IGF2BP3: variants seen among roughly 807,000 people sequenced by gnomAD.
IGF2BP3 encodes the protein insulin-like growth factor 2 mRNA-binding protein 3.
A neutral mutation model predicts 73.8 loss-of-function variants in IGF2BP3; 9 were observed. The observed-to-expected ratio is 0.12, with a 90% CI of 0.07 to 0.21. The LOEUF (loss-of-function observed/expected upper bound fraction) is 0.21, where lower values mean the gene tolerates loss of function less well. Among genes scored for constraint, IGF2BP3 ranks in the 10% least tolerant of loss-of-function variants. The probability of loss-of-function intolerance (pLI) is 1.00; values close to 1 mark genes in which losing one functional copy is unlikely to be tolerated. For missense variants in IGF2BP3, 542 were observed against 714.0 expected, an observed-to-expected ratio of 0.76 and a Z score of 2.75; for synonymous variants, 258 against 256.7, an observed-to-expected ratio of 1.01 and a Z score of -0.05.
At chr7:23,460,178 CAAAA>C (rs757381858) in intron 2 of IGF2BP3, among the ~76,000 whole-genome samples, 1 of 55,176 alleles carries the variant, frequency 1.8e-5, no homozygotes. Context: ...GACCCTGCCT[CAAAA>C]AAAAAAAAAA....
chr7:23,405,167 A>T (rs1786787936), intron 3 of IGF2BP3: 1 of 152,180 alleles, frequency 6.6e-6, no homozygotes, highest in African/African-American at 2.4e-5. Flanking sequence ...AGAAATGAAA[A>T]ATTCAAATTC....
intron 2 of IGF2BP3, among the ~76,000 whole-genome samples, chr7:23,435,292 C>CAAAAAAAAAA (rs35846648): frequency 2.1e-5 from 1 of 47,942 alleles, no homozygotes; most frequent in Non-Finnish European, 3.6e-5. Flanking sequence ...GACTCTGTCT[C>CAAAAAAAAAA]AAAAAAAAAA....
At chr7:23,377,533 T>C (rs554759137) in intron 3 of IGF2BP3, among the ~76,000 whole-genome samples, 141 of 152,352 alleles carry the variant, frequency 9.3e-4, no homozygotes, top group African/African-American at 3.2e-3. Context: ...TTGGTGGGAA[T>C]GTAAAATGGT....
At chr7:23,336,551 G>A (rs1784577858) in intron 10 of IGF2BP3, among the ~76,000 whole-genome samples, 1 of 151,646 alleles carries the variant, frequency 6.6e-6, no homozygotes, top group Non-Finnish European at 1.5e-5. Flanking sequence ...AGTCACCCAG[G>A]CGGGAGTGCA....
Position 23,312,360 on chromosome 7 carries a change from C to T in IGF2BP3, c.*2G>A. The T allele has an allele frequency of 6.2e-7, 1 of 1,608,150 alleles. No homozygotes were observed. The highest frequency in any genetic ancestry group is 1.1e-5 in the South Asian group (1 of 90,950). Reference sequence around the variant, plus strand: ...CTCTGTGGTGGGCTGTTTCCTGAGCCTTTACTTCCGTCTTGACTGAGGTGG... The same window carrying T: ...CTCTGTGGTGGGCTGTTTCCTGAGCTTTTACTTCCGTCTTGACTGAGGTGG... On this transcript the variant is annotated 3_prime_UTR_variant, in exon 15 of 15. Coordinates refer to ENST00000258729, the MANE Select transcript of IGF2BP3 (RefSeq NM_006547.3).
chr7:23,366,464 G>T (rs2128509659), intron 3 of IGF2BP3, among the ~76,000 whole-genome samples: 1 of 150,192 alleles, frequency 6.7e-6, no homozygotes, highest in South Asian at 2.1e-4. Context: ...AAGATAACTA[G>T]AAACTACAAT....
chr7:23,436,999 G>C (rs1675055618), intron 2 of IGF2BP3, among the ~76,000 whole-genome samples: 1 of 151,650 alleles, frequency 6.6e-6, no homozygotes. Flanking sequence ...TGCGCCTGTA[G>C]TCCCAGCTAT....
intron 8 of IGF2BP3, among the ~76,000 whole-genome samples, chr7:23,344,103 CA>C (rs1784776808): frequency 6.6e-6 from 1 of 152,192 alleles, no homozygotes; most frequent in African/African-American, 2.4e-5. Context: ...ATAGTTCAAT[CA>C]AGTCCATATT....
chr7:23,407,034 A>T (rs1445982537), intron 3 of IGF2BP3, among the ~76,000 whole-genome samples: 1 of 152,146 alleles, frequency 6.6e-6, no homozygotes, highest in African/African-American at 2.4e-5. Flanking sequence ...AAGCTCTGCA[A>T]GGCTGATGAA....
chr7:23,319,382 A>G (rs980027923), intron 10 of IGF2BP3, 128 bp from the exon 11 acceptor site: 12 of 655,290 alleles, frequency 1.8e-5, no homozygotes, highest in South Asian at 9.6e-5. Context: ...AAAAGCTACC[A>G]TAAGAAGTTG....
intron 10 of IGF2BP3, among the ~76,000 whole-genome samples, chr7:23,339,358 A>G (rs937184450): frequency 1.3e-5 from 2 of 152,238 alleles, no homozygotes; most frequent in Non-Finnish European, 2.9e-5. Flanking sequence ...AGTTCTTAAT[A>G]TGATCTCACT....
intron 10 of IGF2BP3, among the ~76,000 whole-genome samples, chr7:23,330,066 C>T (rs1784404591): frequency 6.6e-6 from 1 of 152,002 alleles, no homozygotes; most frequent in South Asian, 2.1e-4. Context: ...GTGGGCAGAT[C>T]ACAAGGTCAG....
intron 3 of IGF2BP3, among the ~76,000 whole-genome samples, chr7:23,383,737 T>C (rs887935902): frequency 2.0e-5 from 3 of 152,288 alleles, no homozygotes; most frequent in Non-Finnish European, 2.9e-5. Context: ...AAAATGTCCA[T>C]GGACTGACGA....
intron 3 of IGF2BP3, among the ~76,000 whole-genome samples, chr7:23,374,962 C>T (rs547913091): frequency 8.5e-5 from 13 of 152,184 alleles, no homozygotes; most frequent in African/African-American, 3.1e-4. Flanking sequence ...GTTCAGGGTC[C>T]CTGACTTCCC....
intron 3 of IGF2BP3, among the ~76,000 whole-genome samples, chr7:23,400,825 AGCCTTGCTCTGTG>A (rs2128525536): frequency 6.6e-6 from 1 of 152,296 alleles, no homozygotes; most frequent in East Asian, 1.9e-4. Context: ...TCTGAGATGG[AGCCTTGCTCTGTG>A]GCCTAGGCTG....
chr7:23,329,466 T>C (rs1784389437), intron 10 of IGF2BP3, among the ~76,000 whole-genome samples: 1 of 152,212 alleles, frequency 6.6e-6, no homozygotes. Flanking sequence ...CTGCAACACG[T>C]TCTTAGAAGT....
In IGF2BP3 at chr7:23,390,126, A is replaced by G. The variant is rs147666138; in HGVS notation, c.286-28385T>C. Among the ~76,000 whole-genome samples, 5 of 152,332 alleles carry G rather than the reference A, an allele frequency of 3.3e-5. No individual in the cohort carries two copies. In the East Asian group the frequency reaches 9.6e-4, roughly 29 times the overall value. ...ATGCTGGGGAGGATATGGAAAAACA[A>G]TGTCTTGTCCATTAGTGGGGGAAAG... On this transcript the variant is annotated intron_variant, in intron 3 of 14. Transcript: ENST00000258729.
chr7:23,468,084 G>A (rs1253126918), intron 2 of IGF2BP3, among the ~76,000 whole-genome samples: 1 of 152,196 alleles, frequency 6.6e-6, no homozygotes, highest in Non-Finnish European at 1.5e-5. Context: ...ACCCCCGCGT[G>A]TCCGCAGCTG....
At position 23,407,960 on chromosome 7, in the gene IGF2BP3, CGGGGG is replaced by C. The variant is rs57634623; in HGVS notation, c.285+10811_285+10815del. Among the ~76,000 whole-genome samples, 523 of 66,004 alleles carry C rather than the reference CGGGGG, an allele frequency of 7.9e-3. 5 individuals carry two copies. The highest frequency in any genetic ancestry group is 0.014 in the Non-Finnish European group (420 of 30,352). The allele number at this position is 66,004 out of a possible 152,430, so 43.3% of individuals were successfully genotyped here. A position where few individuals can be genotyped will look rare whatever the true frequency, so the allele number is the denominator to read the frequency against. On this transcript the variant is annotated intron_variant, in intron 3 of 14. Coordinates refer to ENST00000258729, the MANE Select transcript of IGF2BP3 (RefSeq NM_006547.3). ...TTTGTGGGGGGCAGGGGGCGGGGGGCGGGGGGGGGGGGAGTCAATGTAATTCATTT... is the reference window on the plus strand; with the variant it reads ...TTTGTGGGGGGCAGGGGGCGGGGGGCGGGGGGGAGTCAATGTAATTCATTT...
Sources: gnomAD v4.1 joint callset for allele counts (sites outside exome capture counted in the v4.1 genomes callset) on GRCh38, gnomAD v4.1.1 for gene constraint, MANE v1.5 for transcripts, NCBI Gene and HGNC (gene_info 2026-07-23, HGNC 2026-07-21) for gene names.